Variants in NFIA observed in about 807,000 individuals in gnomAD.
NFIA encodes the protein nuclear factor 1 A-type.
A neutral mutation model predicts 62.8 loss-of-function variants in NFIA; 8 were observed. The observed-to-expected ratio is 0.13, with a 90% CI of 0.07 to 0.23. NFIA has a LOEUF of 0.23. NFIA is among the 10% of genes least tolerant of loss of function. The pLI is 1.00. For synonymous variants in NFIA, 235 were observed against 238.1 expected, an observed-to-expected ratio of 0.99 and a Z score of 0.12; for missense variants, 410 against 642.1, an observed-to-expected ratio of 0.64 and a Z score of 3.91.
chr1:61,151,698 A>G (rs1277575075), intron 2 of NFIA, among the ~76,000 whole-genome samples: 1 of 152,166 alleles, frequency 6.6e-6, no homozygotes, highest in Non-Finnish European at 1.5e-5. Context: ...ATAGTCCAGC[A>G]ACTGCTTTGA....
chr1:61,096,965 T>A (rs76740696), intron 2 of NFIA, among the ~76,000 whole-genome samples: 1,697 of 152,308 alleles, frequency 0.011, 33 homozygotes, highest in African/African-American at 0.039. Flanking sequence ...CTATATTAAG[T>A]CATTATACAT....
chr1:61,435,572 A>G (rs1207292273), intron 10 of NFIA, among the ~76,000 whole-genome samples: 1 of 152,078 alleles, frequency 6.6e-6, no homozygotes, highest in Non-Finnish European at 1.5e-5. Flanking sequence ...TTTTTCCTCT[A>G]ATATCAGGGA....
In NFIA at chr1:61,197,880, C is replaced by T. The variant is rs370871364; in HGVS notation, c.560-79640C>T. Among the ~76,000 whole-genome samples, 24 of 152,098 alleles carry T rather than the reference C, an allele frequency of 1.6e-4. No individual in the cohort carries two copies. The East Asian group carries it at 4.3e-3, about 27-fold the overall frequency. On this transcript the variant is annotated intron_variant, in intron 2 of 10. Coordinates refer to ENST00000403491, the MANE Select transcript of NFIA (RefSeq NM_001134673.4). ...CCAGTAATTCCAGCTACTCGGGAGG[C>T]TGAGGCAGGAGAATCGCTTGAACCC...
intron 3 of NFIA, among the ~76,000 whole-genome samples, chr1:61,289,077 C>G (rs993447180): frequency 1.3e-5 from 2 of 152,146 alleles, no homozygotes; most frequent in African/African-American, 4.8e-5. Flanking sequence ...GAGTAAGCTT[C>G]TAAGAAAATT....
intron 9 of NFIA, among the ~76,000 whole-genome samples, chr1:61,422,708 A>G (rs1666682990): frequency 6.6e-6 from 1 of 150,408 alleles, no homozygotes; most frequent in African/African-American, 2.5e-5. Flanking sequence ...AGAGTTTGAG[A>G]CCAGCCTGAG....
At position 61,455,446 on chromosome 1, in the gene NFIA, T is replaced by G. The variant is rs1046951599; in HGVS notation, c.*126T>G. 1.6e-5 allele frequency: 23 copies of G among 1,467,564 alleles called. No homozygotes were observed. The highest frequency in any genetic ancestry group is 2.0e-5 in the Non-Finnish European group (21 of 1,056,212). 90.9% of individuals were successfully genotyped at this position (1,467,564 alleles called of 1,614,324 possible). ...TCAGCGGAAGGGGAGAAAAACCGAT[T>G]CAAATCAACTTGTACATGGAAACAG... On this transcript the variant is annotated 3_prime_UTR_variant, in exon 11 of 11. Coordinates refer to ENST00000403491, the MANE Select transcript of NFIA (RefSeq NM_001134673.4).
At chr1:61,164,529 A>G (rs1442717436) in intron 2 of NFIA, among the ~76,000 whole-genome samples, 4 of 151,912 alleles carry the variant, frequency 2.6e-5, no homozygotes, top group South Asian at 2.1e-4. Flanking sequence ...GCGTGATCTC[A>G]GCTCACTGCA....
rs1668343545 is a variant in NFIA at position 61,457,061 on chromosome 1, A to C, written c.*1741A>C. On this transcript the variant is annotated 3_prime_UTR_variant, in exon 11 of 11. Transcript: ENST00000403491. This position sits in a 1 kb window ranked among gnomAD's most constrained non-coding sequence, Gnocchi z 4.2. ...ATAAAGTAGAGTGCATTAAGACACAATATTGTAATCCCTACTCTAGGCACT... is the reference window on the plus strand; with the variant it reads ...ATAAAGTAGAGTGCATTAAGACACACTATTGTAATCCCTACTCTAGGCACT... 6.6e-6 allele frequency: 1 copy of C among 152,190 alleles called. No individual in the cohort carries two copies. Among genetic ancestry groups the C allele is most frequent in the African/African-American group, 2.4e-5 (1 of 41,446 alleles). The allele number at this position is 152,190 out of a possible 1,614,324, so 9.4% of individuals were successfully genotyped here.
At chr1:61,411,672 C>A (rs923940606) in intron 9 of NFIA, among the ~76,000 whole-genome samples, 1 of 151,474 alleles carries the variant, frequency 6.6e-6, no homozygotes, top group Non-Finnish European at 1.5e-5. Context: ...ACGAAAGGTA[C>A]GTAGGATATA....
rs58761896 is a variant in NFIA, at chr1:61,456,374, T to TAA, written c.*1065_*1066dup. On this transcript the variant is annotated 3_prime_UTR_variant, in exon 11 of 11. Coordinates refer to ENST00000403491, the MANE Select transcript of NFIA (RefSeq NM_001134673.4). ...TATCCCTTTAAAAACTGAAGGAAAT[T>TAA]AAAAAAAAAAAACAAAAAAACAAAT... 2.8e-3 allele frequency: 412 copies of TAA among 146,346 alleles called. No individual in the cohort carries two copies. Among genetic ancestry groups the TAA allele is most frequent in the South Asian group, 8.0e-3 (37 of 4,646 alleles). The allele number at this position is 146,346 out of a possible 1,614,324, so 9.1% of individuals were successfully genotyped here. A position where few individuals can be genotyped will look rare whatever the true frequency, so the allele number is the denominator to read the frequency against.
chr1:61,231,911 A>T (rs1272956202), intron 2 of NFIA, among the ~76,000 whole-genome samples: 1 of 152,138 alleles, frequency 6.6e-6, no homozygotes, highest in Non-Finnish European at 1.5e-5. Flanking sequence ...ACAGTATTGC[A>T]TTCTGAGAGG....
chr1:61,120,780 T>A (rs890600981), intron 2 of NFIA, among the ~76,000 whole-genome samples: 1 of 152,212 alleles, frequency 6.6e-6, no homozygotes, highest in Admixed American at 6.5e-5. Flanking sequence ...TTAAATAGCT[T>A]GCTGGTTCTA....
At chr1:61,305,022 T>C (rs775213147) in intron 3 of NFIA, among the ~76,000 whole-genome samples, 1 of 152,236 alleles carries the variant, frequency 6.6e-6, no homozygotes, top group Non-Finnish European at 1.5e-5. Context: ...CTTTTCAAGA[T>C]GGAGACTTAC....
At chr1:61,367,204 C>T (rs369285714) in intron 6 of NFIA, among the ~76,000 whole-genome samples, 1 of 152,170 alleles carries the variant, frequency 6.6e-6, no homozygotes, top group African/African-American at 2.4e-5. Flanking sequence ...TGACTGCCAA[C>T]AGTCATTTAT....
chr1:61,362,735 C>G (rs12095722), intron 6 of NFIA, among the ~76,000 whole-genome samples: 1,571 of 152,316 alleles, frequency 0.01, 25 homozygotes, highest in African/African-American at 0.036. Context: ...TTCAGAATGA[C>G]TTTCGCTTCT....
At chr1:61,082,289 C>T, upstream of NFIA, 1 of 328,832 alleles carries the variant, frequency 3.0e-6, no homozygotes, top group East Asian at 6.2e-5. Flanking sequence ...AGCGAGCGAG[C>T]CAGCCTGCGA....
At chr1:61,082,373 TC>T (rs886894085), upstream of NFIA, 36 of 562,826 alleles carry the variant, frequency 6.4e-5, no homozygotes, top group South Asian at 2.3e-4. Context: ...CCACACCCCC[TC>T]CCCCCCGCGG....
chr1:61,134,860 T>C (rs1046065085), intron 2 of NFIA, among the ~76,000 whole-genome samples: 1 of 152,142 alleles, frequency 6.6e-6, no homozygotes, highest in African/African-American at 2.4e-5. Context: ...TTTAAACAAG[T>C]GTATATATGC....
chr1:61,151,617 G>A (rs1648418144), intron 2 of NFIA, among the ~76,000 whole-genome samples: 1 of 152,066 alleles, frequency 6.6e-6, no homozygotes, highest in Non-Finnish European at 1.5e-5. Flanking sequence ...TCCCAATACT[G>A]GAAGTTCATG....
Sources: gnomAD v4.1 joint callset for allele counts (sites outside exome capture counted in the v4.1 genomes callset) on GRCh38, gnomAD v4.1.1 for gene constraint, Gnocchi (gnomAD v3.1) non-coding constraint, MANE v1.5 for transcripts, NCBI Gene and HGNC (gene_info 2026-07-23, HGNC 2026-07-21) for gene names.